Variants in HCFC2 observed in about 807,000 individuals in gnomAD.
HCFC2 encodes the protein host cell factor C2.
HCFC2 carries 18 observed loss-of-function variants against 89.2 expected under a neutral mutation model. The observed-to-expected ratio is 0.20, with a 90% confidence interval of 0.14 to 0.30. The LOEUF (loss-of-function observed/expected upper bound fraction) is 0.30. Ranked by LOEUF, HCFC2 falls within the 10% of genes least tolerant of loss-of-function variation. The probability of loss-of-function intolerance (pLI) is 1.00; values close to 1 mark genes in which losing one functional copy is unlikely to be tolerated. For missense variants in HCFC2, 578 were observed against 956.1 expected (o/e 0.60, Z 5.21); for synonymous variants, 308 against 335.7 (o/e 0.92, Z 0.90).
intron 3 of HCFC2, among the ~76,000 whole-genome samples, chr12:104,074,729 G>A (rs1275343365): frequency 6.6e-6 from 1 of 151,938 alleles, no homozygotes; most frequent in Admixed American, 6.6e-5. Flanking sequence ...ATATTTATTA[G>A]CGATTTTGCC....
rs1883222960 is a variant in HCFC2, at chr12:104,068,588, A to C, written c.473+481A>C. The stretch of plus-strand genomic sequence containing the variant: ...AGTTCACGCTAGCATATACTTTTAC[A>C]ATCAATTATTTCCTCCTTTTTCCCA... On this transcript the variant is annotated intron_variant, in intron 3 of 14. Transcript: ENST00000229330. The surrounding 1 kb of genome is among the most constrained non-coding windows in gnomAD (Gnocchi z 4.1). 6.6e-6 allele frequency among the ~76,000 whole-genome samples: 1 copy of C among 152,220 alleles called. No individual in the cohort carries two copies. The highest frequency in any genetic ancestry group is 2.4e-5 in the African/African-American group (1 of 41,468).
At position 104,067,974 on chromosome 12, in the gene HCFC2, A is replaced by G. The variant is rs1366956772; in HGVS notation, c.340A>G (p.Lys114Glu). 5 of 1,594,244 alleles carry G rather than the reference A, an allele frequency of 3.1e-6. No individual in the cohort carries two copies. Among genetic ancestry groups the G allele is most frequent in the Non-Finnish European group, 4.3e-6 (5 of 1,174,126 alleles). The change falls in exon 3 of 15, where the codon AAA becomes GAA. Residue 114 changes from lysine to glutamate, a missense_variant. By Grantham distance (56) the Lys-to-Glu change is moderately conservative. Coordinates refer to ENST00000229330, the MANE Select transcript of HCFC2 (RefSeq NM_013320.3). Reference protein sequence around the residue: ...QASRWLWKKVKPHPPPSGLPP... With the variant: ...QASRWLWKKVEPHPPPSGLPP... Reference sequence around the variant, plus strand: ...AAGTCGTTGGTTATGGAAAAAAGTGAAACCCCATCCCCCTCCTTCTGGTTT... The same window carrying G: ...AAGTCGTTGGTTATGGAAAAAAGTGGAACCCCATCCCCCTCCTTCTGGTTT...
Position 104,095,658 on chromosome 12 carries a change from G to A in HCFC2, c.1666+95G>A. The stretch of plus-strand genomic sequence containing the variant: ...TTAGATGGGAGTTGCATTTCATCTT[G>A]GAATTTTGTTATTAGTCATTTTAAC... On this transcript the variant is annotated intron_variant, in intron 11 of 14. Transcript: ENST00000229330. This position sits in a 1 kb window ranked among gnomAD's most constrained non-coding sequence, Gnocchi z 4.2. 1.1e-6 allele frequency: 1 copy of A among 926,702 alleles called. No individual in the cohort carries two copies. The highest frequency in any genetic ancestry group is 1.6e-6 in the Non-Finnish European group (1 of 622,116). The allele number at this position is 926,702 out of a possible 1,614,324, so 57.4% of individuals were successfully genotyped here. A position where few individuals can be genotyped will look rare whatever the true frequency, so the allele number is the denominator to read the frequency against.
chr12:104,069,881 G>T (rs758461811), intron 3 of HCFC2, among the ~76,000 whole-genome samples: 4 of 152,032 alleles, frequency 2.6e-5, no homozygotes, highest in African/African-American at 4.8e-5. Context: ...CCTGGTGTGT[G>T]ATGTTCCCTT....
intron 10 of HCFC2, among the ~76,000 whole-genome samples, chr12:104,094,432 C>T (rs1884117162): frequency 1.3e-5 from 2 of 152,048 alleles, no homozygotes; most frequent in Admixed American, 1.3e-4. Flanking sequence ...GTTTGTGAGG[C>T]ATGATCTATG....
Position 104,104,795 on chromosome 12 carries a change from A to G in HCFC2, c.*1522A>G, listed in dbSNP as rs1038670819. On this transcript the variant is annotated 3_prime_UTR_variant, in exon 15 of 15. Coordinates refer to ENST00000229330, the MANE Select transcript of HCFC2 (RefSeq NM_013320.3). Reference sequence around the variant, plus strand: ...TTGAAGAAAATATGCAAATTGTTAGACACATAATGAGTGGTTTCCAAACTC... The same window carrying G: ...TTGAAGAAAATATGCAAATTGTTAGGCACATAATGAGTGGTTTCCAAACTC... 1 of 152,064 alleles carries G rather than the reference A, an allele frequency of 6.6e-6. No individual in the cohort carries two copies. The highest frequency in any genetic ancestry group is 2.4e-5 in the African/African-American group (1 of 41,442). 9.4% of individuals were successfully genotyped at this position (152,064 alleles called of 1,614,324 possible).
chr12:104,076,702 C>T (rs184788734), intron 3 of HCFC2, among the ~76,000 whole-genome samples: 1 of 150,738 alleles, frequency 6.6e-6, no homozygotes. Flanking sequence ...CTCTGCATTC[C>T]TGCCCCCACC....
At chr12:104,100,141 T>A (rs2029891259) in intron 13 of HCFC2, among the ~76,000 whole-genome samples, 1 of 152,200 alleles carries the variant, frequency 6.6e-6, no homozygotes, top group South Asian at 2.1e-4. Flanking sequence ...GATATGCTAT[T>A]AAATACAATC....
chr12:104,081,718 A>G lies in HCFC2; in HGVS notation c.768-782A>G, dbSNP rs1342166983. Among the ~76,000 whole-genome samples, 5 of 151,898 alleles carry G rather than the reference A, an allele frequency of 3.3e-5. No homozygotes were observed. In the East Asian group the frequency reaches 9.6e-4, roughly 29 times the overall value. ...TTTATAAAATGAAATTTTCCATTGA[A>G]ACCCCAACATATAAAATGGATTTTA... On this transcript the variant is annotated intron_variant, in intron 5 of 14. Transcript: ENST00000229330.
chr12:104,086,862 C>T lies in HCFC2; in HGVS notation c.1079C>T (p.Pro360Leu), dbSNP rs763815802. The part of the protein sequence containing the change: ...WYLDTEKPPA[P>L]SQVQLIKATT... ...TGTTCTATAGAGAAACCACCGGCACCATCTCAAGTACAGCTGATCAAAGCC... is the reference window on the plus strand; with the variant it reads ...TGTTCTATAGAGAAACCACCGGCACTATCTCAAGTACAGCTGATCAAAGCC... The change falls in exon 8 of 15, where the codon CCA (proline) becomes CTA (leucine). Residue 360 changes from proline to leucine, a missense_variant. Transcript: ENST00000229330. 3 of 1,613,468 alleles carry T rather than the reference C, an allele frequency of 1.9e-6. No homozygotes were observed. The East Asian group carries it at 6.7e-5, about 36-fold the overall frequency.
intron 13 of HCFC2, among the ~76,000 whole-genome samples, chr12:104,099,626 A>T (rs1442680747): frequency 6.6e-6 from 1 of 152,078 alleles, no homozygotes; most frequent in Non-Finnish European, 1.5e-5. Flanking sequence ...TTAAAAAAAA[A>T]AAAAAACTTA....
chr12:104,076,206 C>T (rs1883491270), intron 3 of HCFC2, among the ~76,000 whole-genome samples: 1 of 152,202 alleles, frequency 6.6e-6, no homozygotes, highest in Non-Finnish European at 1.5e-5. Flanking sequence ...CTGGATAACT[C>T]CTAGGCTCAA....
At chr12:104,094,335 G>C (rs1884115232) in intron 10 of HCFC2, among the ~76,000 whole-genome samples, 1 of 152,098 alleles carries the variant, frequency 6.6e-6, no homozygotes, top group Non-Finnish European at 1.5e-5. Flanking sequence ...CTAGCACCTG[G>C]TACAGTGTCC....
In HCFC2 at chr12:104,079,489, G is replaced by C; in HGVS notation, c.518G>C (p.Gly173Ala). Residue 173 changes from glycine (G) to alanine (A), a missense_variant, in exon 4 of 15, where the codon GGT becomes GCT. This residue lies in a region of HCFC2 where 206 missense variants were observed against 419.2 expected (regional missense o/e 0.49). Transcript: ENST00000229330. ...FYELELQHGS[G>A]VVGWSIPVTK... ...GAGTTGGAGCTACAGCATGGCTCTG[G>C]TGTTGTGGGTTGGAGCATTCCAGTG... 1 of 1,614,146 alleles carries C rather than the reference G, an allele frequency of 6.2e-7. No individual in the cohort carries two copies. The highest frequency in any genetic ancestry group is 8.5e-7 in the Non-Finnish European group (1 of 1,180,016).
intron 3 of HCFC2, among the ~76,000 whole-genome samples, chr12:104,072,363 CTG>C (rs1295533697): frequency 1.5e-5 from 2 of 137,538 alleles, no homozygotes; most frequent in Non-Finnish European, 3.1e-5. Flanking sequence ...CAGAACAAGA[CTG>C]TTTAAAAAAA....
rs1593615894 is a variant in HCFC2, at chr12:104,104,296, T to C, written c.*1023T>C. ...TTGCATTGTTTTTACCTTGAAATTG[T>C]ATAAACTTTTTTACTATGAAAATAT... is the stretch of plus-strand genomic sequence containing the variant. On this transcript the variant is annotated 3_prime_UTR_variant, in exon 15 of 15. Coordinates refer to ENST00000229330, the MANE Select transcript of HCFC2 (RefSeq NM_013320.3). The C allele has an allele frequency of 6.6e-6, 1 of 152,024 alleles. No homozygotes were observed. The highest frequency in any genetic ancestry group is 2.1e-4 in the South Asian group (1 of 4,828). The allele number at this position is 152,024 out of a possible 1,614,324, so 9.4% of individuals were successfully genotyped here.
At chr12:104,070,246 T>A (rs774831385) in intron 3 of HCFC2, among the ~76,000 whole-genome samples, 5 of 151,718 alleles carry the variant, frequency 3.3e-5, no homozygotes, top group Non-Finnish European at 7.4e-5. Context: ...GCCAGGATGG[T>A]CTCGATCTCC....
chr12:104,065,467 T>C (rs1263368762), intron 1 of HCFC2, among the ~76,000 whole-genome samples: 1 of 152,240 alleles, frequency 6.6e-6, no homozygotes, highest in African/African-American at 2.4e-5. Flanking sequence ...ATGCTCAGGC[T>C]GTCACAAGAA....
chr12:104,104,901 G>T lies in HCFC2; in HGVS notation c.*1628G>T, dbSNP rs183428768. The T allele has an allele frequency of 1.2e-4, 19 of 152,078 alleles. No individual in the cohort carries two copies. The highest frequency in any genetic ancestry group is 6.8e-3 in the Middle Eastern group (2 of 294). The allele number at this position is 152,078 out of a possible 1,614,324, so 9.4% of individuals were successfully genotyped here. On this transcript the variant is annotated 3_prime_UTR_variant, in exon 15 of 15. Transcript: ENST00000229330. Reference sequence around the variant, plus strand: ...GTATGAATCTTTACTCTTTAAATGTGTACTTTACAATGTTTACAAGGAGCT... The same window carrying T: ...GTATGAATCTTTACTCTTTAAATGTTTACTTTACAATGTTTACAAGGAGCT...
Sources: gnomAD v4.1 joint callset for allele counts (sites outside exome capture counted in the v4.1 genomes callset) on GRCh38, gnomAD v4.1.1 for gene constraint, gnomAD v4.1.1 regional missense constraint, Gnocchi (gnomAD v3.1) non-coding constraint, MANE v1.5 for transcripts, NCBI Gene and HGNC (gene_info 2026-07-23, HGNC 2026-07-21) for gene names.